Variants in RBAK observed in about 807,000 individuals in gnomAD.
RBAK encodes the protein RB associated KRAB zinc finger, also known as RB-associated KRAB zinc finger protein.
In RBAK, 39 loss-of-function variants were observed where a neutral mutation model predicts 65.8. The observed-to-expected ratio is 0.59, with a 90% CI of 0.46 to 0.77. The LOEUF (loss-of-function observed/expected upper bound fraction) is 0.77. RBAK is among the 30% of genes least tolerant of loss of function. RBAK has a pLI of 0.00. For missense variants in RBAK, 884 were observed against 855.1 expected (o/e 1.03, Z -0.42); for synonymous variants, 343 against 289.7 (o/e 1.18, Z -1.87).
chr7:5,056,247 A>G lies in RBAK; in HGVS notation c.16-1048A>G, dbSNP rs111712332. Among the ~76,000 whole-genome samples the G allele has an allele frequency of 9.1e-3, 1,385 of 151,556 alleles. 17 individuals are homozygous for G. Among genetic ancestry groups the G allele is most frequent in the African/African-American group, 0.03 (1,241 of 41,256 alleles). On this transcript the variant is annotated intron_variant, in intron 2 of 4. Coordinates refer to ENST00000396912, the MANE Select transcript of RBAK (RefSeq NM_021163.4). ...CTTAGCCTCCCAAGTAGCTAGAACT[A>G]CAGGCGTGTGCCATGATGCCCAGCC...
In RBAK at chr7:5,065,152, C is replaced by G; in HGVS notation, c.1696C>G (p.Pro566Ala). 6.2e-7 allele frequency: 1 copy of G among 1,613,902 alleles called. No homozygotes were observed. The part of the protein sequence containing the change: ...EHYRSHSEEK[P>A]YGCSECGKTF... ...TTATAGAAGTCATTCAGAAGAGAAA[C>G]CTTATGGATGTAGCGAATGTGGGAA... Residue 566 changes from proline (P) to alanine (A), a missense_variant, in exon 5 of 5, where the codon CCT becomes GCT. By Grantham distance (27) the Pro-to-Ala change is conservative. Coordinates refer to ENST00000396912, the MANE Select transcript of RBAK (RefSeq NM_021163.4). This position sits in a 1 kb window ranked among gnomAD's most constrained non-coding sequence, Gnocchi z 5.3.
rs551150443 is a variant in RBAK, at chr7:5,067,023, A to C, written c.*1422A>C. The stretch of plus-strand genomic sequence containing the variant: ...ACAATTAATGTTCGTTTATGATCTT[A>C]GCAAATGATGGATTGAAAGGGACTT... On this transcript the variant is annotated 3_prime_UTR_variant, in exon 5 of 5. Coordinates refer to ENST00000396912, the MANE Select transcript of RBAK (RefSeq NM_021163.4). The C allele has an allele frequency of 3.3e-5, 5 of 152,196 alleles. No individual in the cohort carries two copies. The highest frequency in any genetic ancestry group is 6.5e-5 in the Admixed American group (1 of 15,276). 9.4% of individuals were successfully genotyped at this position (152,196 alleles called of 1,614,324 possible). A position where few individuals can be genotyped will look rare whatever the true frequency, so the allele number is the denominator to read the frequency against.
intron 1 of RBAK, among the ~76,000 whole-genome samples, chr7:5,047,025 A>T (rs1788003360): frequency 6.6e-6 from 1 of 152,238 alleles, no homozygotes; most frequent in South Asian, 2.1e-4. Context: ...ACCATATTTT[A>T]TACACATTCA....
At position 5,064,492 on chromosome 7, in the gene RBAK, G is replaced by A. The variant is rs61735208; in HGVS notation, c.1036G>A (p.Glu346Lys). The change falls in exon 5 of 5, where the codon GAA becomes AAA. Residue 346 changes from glutamate to lysine, a missense_variant. Transcript: ENST00000396912. The surrounding 1 kb of genome is among the most constrained non-coding windows in gnomAD (Gnocchi z 6.3). ...LRTHSGEKPY[E>K]CSECGKTFCQ... Reference sequence around the variant, plus strand: ...AACTCATTCAGGAGAGAAACCCTACGAATGTAGCGAATGTGGGAAAACCTT... The same window carrying A: ...AACTCATTCAGGAGAGAAACCCTACAAATGTAGCGAATGTGGGAAAACCTT... 1,380 of 1,613,954 alleles carry A rather than the reference G, an allele frequency of 8.6e-4. 6 individuals carry two copies. The African/African-American group carries it at 0.015, about 18-fold the overall frequency.
At chr7:5,051,334 GTGTGT>G (rs1788112819) in intron 2 of RBAK, among the ~76,000 whole-genome samples, 1 of 152,016 alleles carries the variant, frequency 6.6e-6, no homozygotes, top group Non-Finnish European at 1.5e-5. Flanking sequence ...ATACATATAT[GTGTGT>G]ACATATTTTT....
Position 5,065,225 on chromosome 7 carries a change from C to T in RBAK, c.1769C>T (p.Thr590Ile), listed in dbSNP as rs1320594911. Residue 590 changes from threonine (T) to isoleucine (I), a missense_variant, in exon 5 of 5, where the codon ACA becomes ATA. Coordinates refer to ENST00000396912, the MANE Select transcript of RBAK (RefSeq NM_021163.4). The surrounding 1 kb of genome is among the most constrained non-coding windows in gnomAD (Gnocchi z 5.3). ...SSLFRHQRVHTGEKPYECYEC... is the reference protein window; with the variant it reads ...SSLFRHQRVHIGEKPYECYEC... ...CTCTTCAGACATCAAAGAGTACACACAGGCGAGAAACCCTATGAATGTTAC... is the reference window on the plus strand; with the variant it reads ...CTCTTCAGACATCAAAGAGTACACATAGGCGAGAAACCCTATGAATGTTAC... The T allele has an allele frequency of 3.1e-6, 5 of 1,613,570 alleles. No homozygotes were observed. The highest frequency in any genetic ancestry group is 1.1e-5 in the South Asian group (1 of 91,042).
At chr7:5,053,218 G>A (rs563829573) in intron 2 of RBAK, among the ~76,000 whole-genome samples, 1 of 152,208 alleles carries the variant, frequency 6.6e-6, no homozygotes, top group East Asian at 1.9e-4. Context: ...ATGAATTCTT[G>A]TACGTCTGCA....
In RBAK at chr7:5,048,412, G is replaced by A. The variant is rs1389593503; in HGVS notation, c.15+321G>A. 6.6e-6 allele frequency among the ~76,000 whole-genome samples: 1 copy of A among 152,178 alleles called. No individual in the cohort carries two copies. The highest frequency in any genetic ancestry group is 1.5e-5 in the Non-Finnish European group (1 of 68,036). ...TGGTCTCAAACTCCTGACCTCAGGT[G>A]ATCCTCCTGCCTCAGCCTCCCAAAG... On this transcript the variant is annotated intron_variant, in intron 2 of 4. Coordinates refer to ENST00000396912, the MANE Select transcript of RBAK (RefSeq NM_021163.4). The surrounding 1 kb of genome is among the most constrained non-coding windows in gnomAD (Gnocchi z 4.4).
At chr7:5,057,001 A>T (rs1583457368) in intron 2 of RBAK, 1 of 155,930 alleles carries the variant, frequency 6.4e-6, no homozygotes, top group Non-Finnish European at 1.4e-5. Flanking sequence ...CCCAAAGCTC[A>T]GCTAGTTCAC....
intron 4 of RBAK, among the ~76,000 whole-genome samples, 180 bp from the exon 5 acceptor site, chr7:5,063,515 T>TGTGTGTGTG (rs1779130842): frequency 1.0e-5 from 1 of 98,226 alleles, no homozygotes; most frequent in African/African-American, 3.8e-5. Flanking sequence ...GTGTGTGTGT[T>TGTGTGTGTG]TCTGTTTTGT....
intron 2 of RBAK, among the ~76,000 whole-genome samples, chr7:5,050,701 A>G (rs1382576470): frequency 6.6e-6 from 1 of 152,120 alleles, no homozygotes; most frequent in African/African-American, 2.4e-5. Context: ...CAGCCTCCCA[A>G]GTAGCTGGGA....
chr7:5,064,089 G>A lies in RBAK; in HGVS notation c.633G>A (p.Met211Ile). ...AACCCTTTGAATATAATGAATGCAT[G>A]GAAGCCTTAGACAATGAGGCTGTTT... ...LEKPFEYNECMEALDNEAVFI... is the reference protein window; with the variant it reads ...LEKPFEYNECIEALDNEAVFI... The change falls in exon 5 of 5, where the codon ATG becomes ATA. Residue 211 changes from methionine (M) to isoleucine (I), a missense_variant. By Grantham distance (10) the Met-to-Ile change is conservative. Transcript: ENST00000396912. This position sits in a 1 kb window ranked among gnomAD's most constrained non-coding sequence, Gnocchi z 6.3. 1 of 1,613,842 alleles carries A rather than the reference G, an allele frequency of 6.2e-7. No homozygotes were observed. The highest frequency in any genetic ancestry group is 8.5e-7 in the Non-Finnish European group (1 of 1,179,976).
intron 2 of RBAK, among the ~76,000 whole-genome samples, chr7:5,052,723 GTTAA>G (rs1437584493): frequency 2.0e-5 from 3 of 151,124 alleles, no homozygotes; most frequent in Admixed American, 6.6e-5. Flanking sequence ...TTACGTTGTT[GTTAA>G]TTAAACAGTT....
intron 2 of RBAK, among the ~76,000 whole-genome samples, chr7:5,052,059 G>T (rs1347847517): frequency 6.6e-6 from 1 of 152,054 alleles, no homozygotes; most frequent in Non-Finnish European, 1.5e-5. Flanking sequence ...TATTATATTA[G>T]ATACATAAAT....
chr7:5,056,286 T>A (rs1190133627), intron 2 of RBAK, among the ~76,000 whole-genome samples: 2 of 151,600 alleles, frequency 1.3e-5, no homozygotes, highest in East Asian at 1.9e-4. Flanking sequence ...TTTTTTTTTT[T>A]AATTTATTTT....
intron 2 of RBAK, among the ~76,000 whole-genome samples, chr7:5,055,493 G>T (rs1010875074): frequency 6.6e-6 from 1 of 151,778 alleles, no homozygotes; most frequent in Non-Finnish European, 1.5e-5. Context: ...GCTTTTTCAG[G>T]TATCTTCACG....
rs368511561 is a variant in RBAK, at chr7:5,066,740, C to T, written c.*1139C>T. On this transcript the variant is annotated 3_prime_UTR_variant, in exon 5 of 5. Coordinates refer to ENST00000396912, the MANE Select transcript of RBAK (RefSeq NM_021163.4). ...GGAACAGTTTAGGTACCTACCACTT[C>T]TTCACATGACACAGGGGAATCCTGA... 7 of 152,306 alleles carry T rather than the reference C, an allele frequency of 4.6e-5. No homozygotes were observed. The highest frequency in any genetic ancestry group is 1.4e-4 in the African/African-American group (6 of 41,580). 9.4% of individuals were successfully genotyped at this position (152,306 alleles called of 1,614,324 possible).
chr7:5,062,003 C>T lies in RBAK; in HGVS notation c.239-1692C>T, dbSNP rs554492891. Among the ~76,000 whole-genome samples, 56 of 152,122 alleles carry T rather than the reference C, an allele frequency of 3.7e-4. No individual in the cohort carries two copies. The South Asian group carries it at 0.01, about 28-fold the overall frequency. The stretch of plus-strand genomic sequence containing the variant: ...GATGAATGTGAATCCTCTCTGTAAA[C>T]GTGAGGAAATCAAAGCATTCAGAAT... On this transcript the variant is annotated intron_variant, in intron 4 of 4. Transcript: ENST00000396912.
Position 5,067,865 on chromosome 7 carries a change from T to A in RBAK, c.*2264T>A, listed in dbSNP as rs1314463042. Reference sequence around the variant, plus strand: ...CTTTCCAGTAAATGTACTTTGCCAATAAAATTTTGTAATTTGATAAAAAGT... The same window carrying A: ...CTTTCCAGTAAATGTACTTTGCCAAAAAAATTTTGTAATTTGATAAAAAGT... On this transcript the variant is annotated 3_prime_UTR_variant, in exon 5 of 5. Transcript: ENST00000396912. 1 of 152,174 alleles carries A rather than the reference T, an allele frequency of 6.6e-6. No individual in the cohort carries two copies. Among genetic ancestry groups the A allele is most frequent in the Admixed American group, 6.5e-5 (1 of 15,280 alleles). The allele number at this position is 152,174 out of a possible 1,614,324, so 9.4% of individuals were successfully genotyped here.
Sources: allele counts gnomAD v4.1 joint callset (sites outside exome capture counted in the v4.1 genomes callset), GRCh38; gene constraint gnomAD v4.1.1; non-coding constraint Gnocchi (gnomAD v3.1); transcripts MANE v1.5; gene names NCBI Gene and HGNC (gene_info 2026-07-23, HGNC 2026-07-21).